Variants in CROT observed in about 807,000 individuals in gnomAD.
CROT encodes peroxisomal carnitine O-octanoyltransferase.
Under a neutral mutation model 89.2 loss-of-function variants are expected in CROT, and 84 were observed. The observed-to-expected ratio is 0.94, with a 90% CI of 0.79 to 1.13. The LOEUF is 1.13. Ranked by LOEUF, CROT falls within the 50% of genes most tolerant of loss-of-function variation. The probability of loss-of-function intolerance (pLI) is 0.00; values close to 1 mark genes in which losing one functional copy is unlikely to be tolerated. For missense variants in CROT, 711 were observed against 727.8 expected (o/e 0.98, Z 0.27); for synonymous variants, 212 against 239.5 (o/e 0.89, Z 1.06).
At chr7:87,391,567 C>T in intron 13 of CROT, 22 bp from the exon 14 acceptor site, 1 of 1,580,768 alleles carries the variant, frequency 6.3e-7, no homozygotes. Flanking sequence ...TTATGATACA[C>T]TCTTTTAATT....
chr7:87,375,641 A>G lies in CROT; in HGVS notation c.666A>G (p.Thr222=). 1 of 1,612,242 alleles carries G rather than the reference A, an allele frequency of 6.2e-7. No homozygotes were observed. ...VTPPELLRQL[T]YIHKKCHSEP... is the part of the protein sequence containing the mutation. ...TTTCATCTTCCATAAGACAACTGAC[A>G]TATATCCACAAGAAGTGCCATAGTG... The change falls in exon 8 of 18, where the codon ACA becomes ACG. Residue 222 remains threonine (T), a synonymous_variant. Transcript: ENST00000331536.
At chr7:87,377,971 C>T (rs555718678) in intron 10 of CROT, among the ~76,000 whole-genome samples, 1 of 152,204 alleles carries the variant, frequency 6.6e-6, no homozygotes, top group South Asian at 2.1e-4. Context: ...CTGTTCCCCT[C>T]CCATGGACAT....
chr7:87,374,881 T>C (rs1806756725), intron 7 of CROT, among the ~76,000 whole-genome samples: 1 of 151,876 alleles, frequency 6.6e-6, no homozygotes. Context: ...TGAGAAATCC[T>C]TGAAAGCTTT....
chr7:87,397,302 G>C (rs889891944), intron 17 of CROT, among the ~76,000 whole-genome samples: 1 of 150,432 alleles, frequency 6.6e-6, no homozygotes, highest in Non-Finnish European at 1.5e-5. Context: ...AGTGAGCTGA[G>C]ATCATGCCAC....
intron 13 of CROT, among the ~76,000 whole-genome samples, chr7:87,388,170 C>T (rs1259724658): frequency 6.6e-6 from 1 of 151,992 alleles, no homozygotes; most frequent in Non-Finnish European, 1.5e-5. Context: ...AGATCTTGAC[C>T]CTCATATCCT....
At chr7:87,357,543 C>T in intron 3 of CROT, 2 of 1,501,198 alleles carry the variant, frequency 1.3e-6, no homozygotes, top group East Asian at 2.5e-5. Context: ...GGTCTTGATC[C>T]AGATGCTAAG....
At chr7:87,371,852 A>G (rs894042979) in intron 7 of CROT, among the ~76,000 whole-genome samples, 31 of 151,946 alleles carry the variant, frequency 2.0e-4, no homozygotes, top group African/African-American at 7.5e-4. Context: ...TTAGCTGGAC[A>G]TGATAGTGCT....
rs530835923 is a variant in CROT, at chr7:87,384,686, TTCCTC to T, written c.1301+2145_1301+2149del. ...TCCCATTCTGTGGGCTGCTGATTGT[TTCCTC>T]TGCAGTGCAGAAGCTTTTTAACTTC... On this transcript the variant is annotated intron_variant, in intron 13 of 17. Transcript: ENST00000331536. Among the ~76,000 whole-genome samples, 18 of 152,366 alleles carry T rather than the reference TTCCTC, an allele frequency of 1.2e-4. No homozygotes were observed. The East Asian group carries it at 2.5e-3, about 21-fold the overall frequency.
intron 7 of CROT, 121 bp downstream of exon 7, chr7:87,369,605 CT>C (rs995044464): frequency 1.6e-4 from 61 of 369,926 alleles, no homozygotes; most frequent in Admixed American, 8.0e-4. Context: ...TTTATGCATG[CT>C]TTTTTAAAAA....
intron 3 of CROT, among the ~76,000 whole-genome samples, 153 bp downstream of exon 3, chr7:87,349,336 T>G (rs1805798030): frequency 6.6e-6 from 1 of 151,984 alleles, no homozygotes; most frequent in Non-Finnish European, 1.5e-5. Flanking sequence ...AGTTGCAGAG[T>G]GCAGTGAGAA....
chr7:87,382,893 T>C (rs769196721), intron 13 of CROT, among the ~76,000 whole-genome samples: 8 of 152,224 alleles, frequency 5.3e-5, no homozygotes, highest in Non-Finnish European at 1.2e-4. Context: ...CAGCCTTTAC[T>C]CATTTTTAGA....
At chr7:87,376,090 C>A in intron 9 of CROT, 137 bp downstream of exon 9, 2 of 724,388 alleles carry the variant, frequency 2.8e-6, no homozygotes, top group Non-Finnish European at 4.2e-6. Context: ...TATACTTGTG[C>A]CAAATTGAAG....
intron 10 of CROT, 66 bp from the exon 11 acceptor site, chr7:87,381,844 T>C: frequency 8.9e-7 from 1 of 1,117,960 alleles, no homozygotes; most frequent in South Asian, 1.5e-5. Context: ...AAAGTGAAAA[T>C]AAAATATTGG....
At chr7:87,397,588 T>G (rs1049769858) in intron 17 of CROT, among the ~76,000 whole-genome samples, 1 of 152,208 alleles carries the variant, frequency 6.6e-6, no homozygotes, top group African/African-American at 2.4e-5. Flanking sequence ...GCTAAATATC[T>G]GGGAATTCCA....
intron 7 of CROT, among the ~76,000 whole-genome samples, chr7:87,373,040 G>A (rs1374205492): frequency 1.3e-5 from 2 of 152,030 alleles, no homozygotes; most frequent in African/African-American, 4.8e-5. Context: ...TTTAACTATT[G>A]AGAAACTACC....
chr7:87,378,512 C>G (rs1806883328), intron 10 of CROT, among the ~76,000 whole-genome samples: 1 of 152,126 alleles, frequency 6.6e-6, no homozygotes, highest in African/African-American at 2.4e-5. Flanking sequence ...CATTAGAAAT[C>G]TCTCCCCATT....
chr7:87,381,861 T>G (rs778617840), intron 10 of CROT, 49 bp from the exon 11 acceptor site: 1 of 1,321,286 alleles, frequency 7.6e-7, no homozygotes, highest in Non-Finnish European at 1.1e-6. Flanking sequence ...TTGGGTCAAG[T>G]TTTAAGTTGA....
At chr7:87,391,018 A>C (rs981554280) in intron 13 of CROT, among the ~76,000 whole-genome samples, 7 of 152,172 alleles carry the variant, frequency 4.6e-5, no homozygotes, top group Non-Finnish European at 2.9e-5. Flanking sequence ...GGCTGTTTTC[A>C]TCTGCTCTCC....
At chr7:87,354,394 G>A (rs1188473772) in intron 3 of CROT, 1 of 518,740 alleles carries the variant, frequency 1.9e-6, no homozygotes, top group East Asian at 5.5e-5. Context: ...AAAGTGCTTG[G>A]ATTTAACTGG....
Sources: allele counts gnomAD v4.1 joint callset (sites outside exome capture counted in the v4.1 genomes callset), GRCh38; gene constraint gnomAD v4.1.1; transcripts MANE v1.5; gene names NCBI Gene and HGNC (gene_info 2026-07-23, HGNC 2026-07-21).